Variants in ANKRD6 observed in about 807,000 individuals in gnomAD.
ANKRD6 encodes ankyrin repeat domain-containing protein 6.
In ANKRD6, 56 loss-of-function variants were observed where a neutral mutation model predicts 82.3. The ratio of observed to expected loss-of-function variants is 0.68; its 90% CI spans 0.55 to 0.85. ANKRD6 has a LOEUF of 0.85. Ranked by LOEUF, ANKRD6 falls within the 40% of genes least tolerant of loss-of-function variation. The pLI, the probability that ANKRD6 is intolerant of heterozygous loss-of-function variation, is 0.00. For missense variants in ANKRD6, 852 were observed against 907.6 expected, an observed-to-expected ratio of 0.94 and a Z score of 0.79; for synonymous variants, 347 against 352.1, an observed-to-expected ratio of 0.99 and a Z score of 0.16.
intron 1 of ANKRD6, among the ~76,000 whole-genome samples, chr6:89,492,709 G>T (rs1439967411): frequency 6.6e-6 from 1 of 152,162 alleles, no homozygotes; most frequent in East Asian, 1.9e-4. Context: ...AGGTGAAGAG[G>T]TTCGTAACAT....
intron 1 of ANKRD6, among the ~76,000 whole-genome samples, chr6:89,494,156 G>GA (rs1170530705): frequency 0.015 from 2,207 of 148,632 alleles, 58 homozygotes; most frequent in African/African-American, 0.051. Context: ...TCTCTACCAA[G>GA]AAAAAAAAAA....
intron 2 of ANKRD6, among the ~76,000 whole-genome samples, chr6:89,592,054 C>T (rs965007273): frequency 6.6e-6 from 1 of 152,120 alleles, no homozygotes. Flanking sequence ...TGAAGAATGC[C>T]CTTCCAAGAA....
chr6:89,434,836 A>T (rs1770427293), intron 1 of ANKRD6, among the ~76,000 whole-genome samples: 1 of 152,150 alleles, frequency 6.6e-6, no homozygotes. Flanking sequence ...AAAATTAGGG[A>T]TACAAATTAA....
chr6:89,592,948 C>T (rs1795183805), intron 2 of ANKRD6, among the ~76,000 whole-genome samples: 2 of 152,196 alleles, frequency 1.3e-5, no homozygotes, highest in South Asian at 4.1e-4. Flanking sequence ...GTGGCACGCA[C>T]CTGTAGTCCC....
intron 1 of ANKRD6, among the ~76,000 whole-genome samples, chr6:89,532,473 G>A (rs1286943462): frequency 6.6e-6 from 1 of 152,044 alleles, no homozygotes; most frequent in Non-Finnish European, 1.5e-5. Flanking sequence ...CCCTGGCTAG[G>A]TTTATTCCCT....
At chr6:89,532,147 T>A (rs1783236545) in intron 1 of ANKRD6, among the ~76,000 whole-genome samples, 1 of 152,198 alleles carries the variant, frequency 6.6e-6, no homozygotes, top group African/African-American at 2.4e-5. Flanking sequence ...ACCAATCTGC[T>A]TTATTCGGTC....
chr6:89,580,066 G>A (rs945261477), intron 2 of ANKRD6, among the ~76,000 whole-genome samples: 6 of 152,192 alleles, frequency 3.9e-5, no homozygotes, highest in East Asian at 3.8e-4. Context: ...AAAGGAGCAG[G>A]AGGGAATTTT....
intron 1 of ANKRD6, among the ~76,000 whole-genome samples, chr6:89,448,118 A>G (rs1414684917): frequency 6.6e-6 from 1 of 152,122 alleles, no homozygotes; most frequent in African/African-American, 2.4e-5. Context: ...TACCATTTGG[A>G]AAATCCTAGG....
chr6:89,502,669 T>C (rs1779392103), intron 1 of ANKRD6, among the ~76,000 whole-genome samples: 2 of 152,208 alleles, frequency 1.3e-5, no homozygotes, highest in African/African-American at 4.8e-5. Context: ...CTTGCTTTCC[T>C]TACCTGACGG....
chr6:89,522,548 T>G (rs908340972), intron 1 of ANKRD6, among the ~76,000 whole-genome samples: 2 of 152,198 alleles, frequency 1.3e-5, no homozygotes, highest in African/African-American at 4.8e-5. Context: ...AAGAAACAAC[T>G]ACTCTTCTAA....
chr6:89,466,253 G>A (rs934818924), intron 1 of ANKRD6, among the ~76,000 whole-genome samples: 1 of 152,092 alleles, frequency 6.6e-6, no homozygotes, highest in Admixed American at 6.6e-5. Context: ...GAACCTTTAG[G>A]TGGTTCTAGT....
chr6:89,493,026 CTTG>C (rs1003588960), intron 1 of ANKRD6, among the ~76,000 whole-genome samples: 2 of 152,124 alleles, frequency 1.3e-5, no homozygotes, highest in African/African-American at 4.8e-5. Flanking sequence ...ATAATTCAAG[CTTG>C]TTGTAAAAAT....
intron 1 of ANKRD6, among the ~76,000 whole-genome samples, chr6:89,546,395 G>C (rs1238246582): frequency 6.6e-6 from 1 of 152,178 alleles, no homozygotes; most frequent in African/African-American, 2.4e-5. Context: ...ACAAGCTAAT[G>C]ATGTTCCAAA....
chr6:89,580,197 G>C (rs112185988), intron 2 of ANKRD6, among the ~76,000 whole-genome samples: 2,379 of 148,462 alleles, frequency 0.016, 78 homozygotes, highest in African/African-American at 0.056. Context: ...ATTATACCTC[G>C]AGAAACTTGA....
chr6:89,574,165 G>C (rs1790577120), intron 2 of ANKRD6, among the ~76,000 whole-genome samples: 1 of 152,192 alleles, frequency 6.6e-6, no homozygotes. Context: ...ATGTAGGCCA[G>C]GGTTGTTCAG....
At chr6:89,549,622 A>C (rs1247472778) in intron 1 of ANKRD6, among the ~76,000 whole-genome samples, 2 of 152,250 alleles carry the variant, frequency 1.3e-5, no homozygotes, top group Non-Finnish European at 2.9e-5. Flanking sequence ...TGCTTTGATA[A>C]GAAATCAAAA....
In ANKRD6 at chr6:89,631,254, A is replaced by G; in HGVS notation, c.*250A>G. Reference sequence around the variant, plus strand: ...CATTATAAACTCTTAGCCTCAGTCCAGGTTAATCTGAAGTTTGAAAGCTCA... The same window carrying G: ...CATTATAAACTCTTAGCCTCAGTCCGGGTTAATCTGAAGTTTGAAAGCTCA... On this transcript the variant is annotated 3_prime_UTR_variant, in exon 16 of 16. Coordinates refer to ENST00000339746, the MANE Select transcript of ANKRD6 (RefSeq NM_001242809.2). 2.1e-6 allele frequency: 1 copy of G among 479,370 alleles called. No individual in the cohort carries two copies. Among genetic ancestry groups the G allele is most frequent in the Non-Finnish European group, 3.2e-6 (1 of 315,054 alleles). The allele number at this position is 479,370 out of a possible 1,614,324, so 29.7% of individuals were successfully genotyped here. A position where few individuals can be genotyped will look rare whatever the true frequency, so the allele number is the denominator to read the frequency against.
chr6:89,547,277 C>T (rs1036185818), intron 1 of ANKRD6, among the ~76,000 whole-genome samples: 1 of 152,100 alleles, frequency 6.6e-6, no homozygotes, highest in Non-Finnish European at 1.5e-5. Context: ...AAGGGTTGGT[C>T]TTAGAGGTGG....
At position 89,522,180 on chromosome 6, in the gene ANKRD6, T is replaced by G. The variant is rs186202532; in HGVS notation, c.-143-44654T>G. 2.3e-3 allele frequency among the ~76,000 whole-genome samples: 354 copies of G among 152,302 alleles called. 1 individual carries two copies. The highest frequency in any genetic ancestry group is 8.1e-3 in the African/African-American group (338 of 41,558). On this transcript the variant is annotated intron_variant, in intron 1 of 15. Transcript: ENST00000339746. ...ATTCTCTAGCTAATTCTGAATCTAG[T>G]TAACTTCTGGCCTGCAAGAATGTCT...
Sources: gnomAD v4.1 joint callset for allele counts (sites outside exome capture counted in the v4.1 genomes callset) on GRCh38, gnomAD v4.1.1 for gene constraint, MANE v1.5 for transcripts, NCBI Gene and HGNC (gene_info 2026-07-23, HGNC 2026-07-21) for gene names.